Variants in CELF2 observed in about 807,000 individuals in gnomAD.
The protein encoded by CELF2 is CUG triplet repeat RNA-binding protein 2.
A neutral mutation model predicts 62.6 loss-of-function variants in CELF2; 8 were observed. The observed-to-expected ratio is 0.13, with a 90% confidence interval of 0.07 to 0.23. CELF2 has a LOEUF of 0.23. Among genes scored for constraint, CELF2 ranks in the 10% least tolerant of loss-of-function variants. The pLI is 1.00. For missense variants in CELF2, 333 were observed against 671.0 expected (o/e 0.50, Z 5.56); for synonymous variants, 258 against 250.0 (o/e 1.03, Z -0.30).
chr10:10,786,194 C>T, the CELF2 span, among the ~76,000 whole-genome samples: 40 of 152,266 alleles, frequency 2.6e-4, no homozygotes, highest in African/African-American at 6.3e-4. Context: ...CACTGTCTAC[C>T]GGCAGGGCTA....
intron 3 of CELF2, 128 bp from the exon 4 acceptor site, chr10:11,249,025 A>G (rs1338466659): frequency 5.6e-6 from 4 of 717,896 alleles, no homozygotes; most frequent in Non-Finnish European, 9.9e-6. Flanking sequence ...AGTTAATAGT[A>G]CCTGGAGAAG....
chr10:11,058,464 T>G (rs1564557511), intron 1 of CELF2, among the ~76,000 whole-genome samples: 3 of 144,048 alleles, frequency 2.1e-5, no homozygotes, highest in South Asian at 2.3e-4. Context: ...TTTGTTGGTT[T>G]TTTTTTTTTT....
At chr10:10,645,127 G>T in the CELF2 span, among the ~76,000 whole-genome samples, 7 of 152,186 alleles carry the variant, frequency 4.6e-5, no homozygotes, top group South Asian at 1.0e-3. Flanking sequence ...GTGCCATGTA[G>T]CTTGCTTATT....
chr10:10,790,338 G>A, the CELF2 span, among the ~76,000 whole-genome samples: 1 of 152,024 alleles, frequency 6.6e-6, no homozygotes, highest in Non-Finnish European at 1.5e-5. Context: ...TACCCCTTGG[G>A]AATGTCTCCC....
Position 11,247,100 on chromosome 10 carries a change from C to T in CELF2, c.355-2053C>T, listed in dbSNP as rs1387649165. Among the ~76,000 whole-genome samples the T allele has an allele frequency of 2.6e-5, 4 of 152,218 alleles. No individual in the cohort carries two copies. Among genetic ancestry groups the T allele is most frequent in the Admixed American group, 2.0e-4 (3 of 15,292 alleles). The stretch of plus-strand genomic sequence containing the variant: ...CCTGCGGCAGCAGCCTCTTAACTGT[C>T]CTCCCTGCCTGTGTCTCTCGTCTGT... On this transcript the variant is annotated intron_variant, in intron 3 of 12. Coordinates refer to ENST00000633077, the MANE Select transcript of CELF2 (RefSeq NM_001326342.2). This position sits in a 1 kb window ranked among gnomAD's most constrained non-coding sequence, Gnocchi z 5.4.
chr10:11,112,548 A>G (rs984648297), intron 1 of CELF2, among the ~76,000 whole-genome samples: 3 of 152,208 alleles, frequency 2.0e-5, no homozygotes, highest in African/African-American at 7.2e-5. Flanking sequence ...CAGCTTTCCA[A>G]CTGGTTACCA....
In CELF2 at chr10:11,031,221, T is replaced by C. The variant is rs148149999; in HGVS notation, c.74+13058T>C. Among the ~76,000 whole-genome samples the C allele has an allele frequency of 4.3e-4, 65 of 152,342 alleles. 2 individuals are homozygous for C. The East Asian group carries it at 0.012, about 28-fold the overall frequency. On this transcript the variant is annotated intron_variant, in intron 1 of 12. Coordinates refer to ENST00000633077, the MANE Select transcript of CELF2 (RefSeq NM_001326342.2). ...ACCTTATGCAGTATCCTTTCTACAG[T>C]AACATCCGTTTTTACTCCCTCCTCC...
chr10:10,808,327 G>A (rs1006093136), intron 1 of CELF2, among the ~76,000 whole-genome samples: 3 of 152,140 alleles, frequency 2.0e-5, no homozygotes, highest in Non-Finnish European at 4.4e-5. Flanking sequence ...CCTGGGGAAG[G>A]TTAAACATTT....
intron 4 of CELF2, among the ~76,000 whole-genome samples, chr10:11,253,749 G>C (rs149432359): frequency 6.6e-6 from 1 of 152,146 alleles, no homozygotes; most frequent in Non-Finnish European, 1.5e-5. Context: ...TATCATGGAA[G>C]GTAGACTTCA....
chr10:10,585,967 TACA>T, the CELF2 span, among the ~76,000 whole-genome samples: 1 of 152,198 alleles, frequency 6.6e-6, no homozygotes, highest in Admixed American at 6.5e-5. Flanking sequence ...CAATGCTTAA[TACA>T]ACACTTGCAA....
chr10:10,962,450 T>TAGTG (rs2049621976), intron 2 of CELF2, among the ~76,000 whole-genome samples: 1 of 151,820 alleles, frequency 6.6e-6, no homozygotes, highest in Non-Finnish European at 1.5e-5. Context: ...CAGCTAGGCA[T>TAGTG]AGTGGTTCAC....
intron 2 of CELF2, among the ~76,000 whole-genome samples, chr10:10,999,979 G>T (rs1281065741): frequency 6.6e-6 from 1 of 152,150 alleles, no homozygotes; most frequent in Non-Finnish European, 1.5e-5. Context: ...AATAAACTTG[G>T]TCCATTTTCC....
At chr10:10,564,674 GCA>G in the CELF2 span, among the ~76,000 whole-genome samples, 7 of 64,284 alleles carry the variant, frequency 1.1e-4, no homozygotes, top group Non-Finnish European at 1.9e-4. Flanking sequence ...ACACACACAC[GCA>G]CACACGCACA....
At chr10:10,753,174 G>A in the CELF2 span, among the ~76,000 whole-genome samples, 59,629 of 152,014 alleles carry the variant, frequency 0.39, 12,667 homozygotes, top group African/African-American at 0.53. Context: ...GGTGGGGATG[G>A]ATCTTAAGTC....
chr10:10,527,235 A>G, the CELF2 span, among the ~76,000 whole-genome samples: 1 of 152,130 alleles, frequency 6.6e-6, no homozygotes, highest in African/African-American at 2.4e-5. Context: ...TGAGGCCAGG[A>G]GTTCAAAACC....
the CELF2 span, among the ~76,000 whole-genome samples, chr10:10,467,104 T>C: frequency 1.3e-5 from 2 of 152,032 alleles, no homozygotes; most frequent in Admixed American, 1.3e-4. Context: ...ATATACCACT[T>C]ATAATATACT....
chr10:11,149,451 C>A (rs901353142), intron 1 of CELF2, among the ~76,000 whole-genome samples: 1 of 152,186 alleles, frequency 6.6e-6, no homozygotes. Context: ...ATGCACAGAT[C>A]TGTGGGTTTC....
At chr10:10,588,011 G>A in the CELF2 span, among the ~76,000 whole-genome samples, 1 of 129,724 alleles carries the variant, frequency 7.7e-6, no homozygotes, top group African/African-American at 3.3e-5. Flanking sequence ...AAAAGGTAAA[G>A]ATGTAATTTT....
At chr10:10,504,063 T>A in the CELF2 span, among the ~76,000 whole-genome samples, 1 of 152,068 alleles carries the variant, frequency 6.6e-6, no homozygotes, top group Admixed American at 6.5e-5. Flanking sequence ...TTAAATATTT[T>A]TCACTATATA....
Sources: gnomAD v4.1 joint callset for allele counts (sites outside exome capture counted in the v4.1 genomes callset) on GRCh38, gnomAD v4.1.1 for gene constraint, Gnocchi (gnomAD v3.1) non-coding constraint, MANE v1.5 for transcripts, NCBI Gene and HGNC (gene_info 2026-07-23, HGNC 2026-07-21) for gene names.